DYNLL1: variants seen among roughly 807,000 people sequenced by gnomAD.
The protein encoded by DYNLL1 is dynein light chain 1, cytoplasmic.
In DYNLL1, 3 loss-of-function variants were observed where a neutral mutation model predicts 10.1. That is an observed-to-expected ratio of 0.30 (90% confidence interval 0.14 to 0.77). DYNLL1 has a LOEUF of 0.77. Ranked by LOEUF, DYNLL1 falls within the 30% of genes least tolerant of loss-of-function variation. The pLI is 0.66. For missense variants in DYNLL1, 47 were observed against 111.7 expected, an observed-to-expected ratio of 0.42 and a Z score of 2.61; for synonymous variants, 46 against 41.2, an observed-to-expected ratio of 1.12 and a Z score of -0.45.
chr12:120,493,317 C>G (rs1879181243), upstream of DYNLL1, among the ~76,000 whole-genome samples: 1 of 152,046 alleles, frequency 6.6e-6, no homozygotes, highest in Non-Finnish European at 1.5e-5. Context: ...GCAGGCGGAT[C>G]ACTTGAGCTC....
At chr12:120,477,609 T>A (rs1878784345) in intron 1 of DYNLL1, among the ~76,000 whole-genome samples, 2 of 151,250 alleles carry the variant, frequency 1.3e-5, no homozygotes, top group African/African-American at 4.8e-5. Context: ...TAAATAAAAA[T>A]AAATAAATAA....
chr12:120,496,854 A>G (rs1868435699), intron 2 of DYNLL1: 1 of 548,906 alleles, frequency 1.8e-6, no homozygotes, highest in Non-Finnish European at 3.2e-6. Context: ...TCCTGCGCCG[A>G]GGATCCATCT....
chr12:120,480,315 A>C (rs1878853580), intron 1 of DYNLL1, among the ~76,000 whole-genome samples: 1 of 152,196 alleles, frequency 6.6e-6, no homozygotes. Flanking sequence ...ATATGTGTGG[A>C]TATGAAAAGA....
chr12:120,473,686 C>CT (rs1388103736), intron 1 of DYNLL1, among the ~76,000 whole-genome samples: 1 of 120,500 alleles, frequency 8.3e-6, no homozygotes, highest in African/African-American at 3.8e-5. Flanking sequence ...CACCGAGACT[C>CT]TGTCTCAAAA....
chr12:120,496,634 G>C (rs1376383391), intron 2 of DYNLL1, 81 bp downstream of exon 2: 2 of 1,611,890 alleles, frequency 1.2e-6, no homozygotes, highest in Non-Finnish European at 8.5e-7. Context: ...AAGGGCGCCT[G>C]ACAGGTCCCG....
In DYNLL1 at chr12:120,490,266, T is replaced by C. The variant is rs376501052; in HGVS notation, c.-6-6150T>C. The C allele has an allele frequency of 1.2e-4, 18 of 152,368 alleles. No individual in the cohort carries two copies. The East Asian group carries it at 3.3e-3, about 28-fold the overall frequency. The allele number at this position is 152,368 out of a possible 1,614,324, so 9.4% of individuals were successfully genotyped here. ...GGCTAAATGAACTCTGAAAGAGTTT[T>C]GGAGAGTCAGATTTTCTCCCAGTCA... On this transcript the variant is annotated intron_variant, in intron 1 of 2. Transcript: ENST00000392509.
intron 1 of DYNLL1, among the ~76,000 whole-genome samples, chr12:120,479,113 G>A (rs894608671): frequency 6.0e-5 from 9 of 151,130 alleles, no homozygotes; most frequent in African/African-American, 1.5e-4. Flanking sequence ...GCAGCGAGTC[G>A]AGAACACACC....
chr12:120,470,928 C>T (rs1878634635), intron 1 of DYNLL1, among the ~76,000 whole-genome samples: 1 of 152,058 alleles, frequency 6.6e-6, no homozygotes, highest in Non-Finnish European at 1.5e-5. Flanking sequence ...TCCTATAATC[C>T]CAGTTACGCG....
At chr12:120,474,805 G>A (rs1354219143) in intron 1 of DYNLL1, among the ~76,000 whole-genome samples, 1 of 152,210 alleles carries the variant, frequency 6.6e-6, no homozygotes, top group Non-Finnish European at 1.5e-5. Flanking sequence ...AGAAGATGAG[G>A]AACTGGTCCC....
chr12:120,472,467 A>T (rs915959253), intron 1 of DYNLL1, among the ~76,000 whole-genome samples: 1 of 152,208 alleles, frequency 6.6e-6, no homozygotes, highest in Non-Finnish European at 1.5e-5. Flanking sequence ...ATAGGAGCTT[A>T]CATATCCTAT....
chr12:120,476,522 T>A lies in DYNLL1; in HGVS notation c.-7+6418T>A, dbSNP rs528665347. Among the ~76,000 whole-genome samples the A allele has an allele frequency of 4.6e-5, 7 of 152,318 alleles. No individual in the cohort carries two copies. The East Asian group carries it at 9.6e-4, about 21-fold the overall frequency. ...TAGGCAGCTGGGGACCAGTTTCTTT[T>A]GTAATTCCATCCTTCTCATGGGCTG... On this transcript the variant is annotated intron_variant, in intron 1 of 2. Transcript: ENST00000392509.
At chr12:120,482,411 C>A (rs1483888071) in intron 1 of DYNLL1, among the ~76,000 whole-genome samples, 1 of 151,914 alleles carries the variant, frequency 6.6e-6, no homozygotes, top group African/African-American at 2.4e-5. Context: ...CAAGCTCCAC[C>A]TCCCGGGTTC....
chr12:120,471,392 A>G (rs1878647704), intron 1 of DYNLL1, among the ~76,000 whole-genome samples: 1 of 152,086 alleles, frequency 6.6e-6, no homozygotes, highest in South Asian at 2.1e-4. Context: ...AAGACAAAAC[A>G]AAAACAAACA....
chr12:120,496,098 G>A, upstream of DYNLL1: 1 of 442,028 alleles, frequency 2.3e-6, no homozygotes, highest in Non-Finnish European at 4.1e-6. Context: ...GGCGGCGGCT[G>A]GCGTGGGGCT....
At chr12:120,474,144 AC>A (rs1276681072) in intron 1 of DYNLL1, among the ~76,000 whole-genome samples, 1 of 151,838 alleles carries the variant, frequency 6.6e-6, no homozygotes, top group Non-Finnish European at 1.5e-5. Context: ...TACAAAAAAT[AC>A]AAAAATTAGC....
intron 1 of DYNLL1, among the ~76,000 whole-genome samples, chr12:120,480,921 A>G (rs962452105): frequency 6.6e-6 from 1 of 151,772 alleles, no homozygotes; most frequent in Non-Finnish European, 1.5e-5. Flanking sequence ...CACCATGCCC[A>G]GCTAATTTTT....
intron 1 of DYNLL1, among the ~76,000 whole-genome samples, chr12:120,478,750 A>G (rs1878811144): frequency 1.3e-5 from 2 of 150,514 alleles, no homozygotes; most frequent in Non-Finnish European, 3.0e-5. Flanking sequence ...CAATGGCACA[A>G]TCTTGCTCAC....
rs757405477 is a variant in DYNLL1 at position 120,489,905 on chromosome 12, G to A, written c.-6-6511G>A. On this transcript the variant is annotated intron_variant, in intron 1 of 2. Coordinates refer to the DYNLL1 transcript ENST00000392509. ...TGGGACTACAGGTGCACGCTGCCACGCCCAGCTAATTTTTTGTATTTTAGT... is the reference window on the plus strand; with the variant it reads ...TGGGACTACAGGTGCACGCTGCCACACCCAGCTAATTTTTTGTATTTTAGT... 7.9e-5 allele frequency among the ~76,000 whole-genome samples: 12 copies of A among 152,130 alleles called. 1 individual carries two copies. In the South Asian group the frequency reaches 1.5e-3, roughly 18 times the overall value.
intron 2 of DYNLL1, chr12:120,497,837 C>T: frequency 1.9e-6 from 1 of 523,086 alleles, no homozygotes. Context: ...GTCTTTAGGG[C>T]TGACCTTTCG....
Sources: gnomAD v4.1 joint callset for allele counts (sites outside exome capture counted in the v4.1 genomes callset) on GRCh38, gnomAD v4.1.1 for gene constraint, MANE v1.5 for transcripts, NCBI Gene and HGNC (gene_info 2026-07-23, HGNC 2026-07-21) for gene names.